Variants in MEF2C observed in about 807,000 individuals in gnomAD.
MEF2C encodes the protein myocyte enhancer factor 2C.
MEF2C carries 6 observed loss-of-function variants against 50.5 expected under a neutral mutation model. The ratio of observed to expected loss-of-function variants is 0.12; its 90% confidence interval spans 0.07 to 0.23. The LOEUF is 0.23. Among genes scored for constraint, MEF2C ranks in the 10% least tolerant of loss-of-function variants. MEF2C has a pLI of 1.00. For synonymous variants in MEF2C, 183 were observed against 228.0 expected (o/e 0.80, Z 1.78); for missense variants, 276 against 605.0 (o/e 0.46, Z 5.70).
At chr5:88,741,627 C>T (rs973276383) in intron 6 of MEF2C, 20 of 979,996 alleles carry the variant, frequency 2.0e-5, no homozygotes, top group Admixed American at 1.2e-4. Context: ...TGTAAACTGG[C>T]CATAGATTTA....
At chr5:88,842,635 C>T (rs1817799028) in intron 1 of MEF2C, among the ~76,000 whole-genome samples, 1 of 151,538 alleles carries the variant, frequency 6.6e-6, no homozygotes, top group Admixed American at 6.6e-5. Flanking sequence ...ATGGGAAATA[C>T]TGTGATAGTT....
intron 5 of MEF2C, chr5:88,750,099 C>G (rs1771961897): frequency 1.3e-6 from 1 of 787,340 alleles, no homozygotes; most frequent in Non-Finnish European, 1.5e-6. Context: ...GTGAGAATAT[C>G]ATCTAGATTT....
At chr5:88,797,886 T>C (rs1407069781) in intron 3 of MEF2C, among the ~76,000 whole-genome samples, 1 of 152,206 alleles carries the variant, frequency 6.6e-6, no homozygotes, top group East Asian at 1.9e-4. Flanking sequence ...AAGGATTTTA[T>C]TTCTCCTTCA....
chr5:88,875,759 C>T (rs1248892969), intron 1 of MEF2C, among the ~76,000 whole-genome samples: 1 of 151,966 alleles, frequency 6.6e-6, no homozygotes, highest in Non-Finnish European at 1.5e-5. Flanking sequence ...AGAAGGCCCT[C>T]TGTTCCTTAC....
At chr5:88,900,726 T>A (rs3931728) in intron 1 of MEF2C, among the ~76,000 whole-genome samples, 1 of 151,966 alleles carries the variant, frequency 6.6e-6, no homozygotes, top group Admixed American at 6.6e-5. Context: ...TAATTTTCCA[T>A]GTGATCATTG....
chr5:88,866,191 C>T (rs534287189), intron 1 of MEF2C, among the ~76,000 whole-genome samples: 1 of 152,188 alleles, frequency 6.6e-6, no homozygotes, highest in Non-Finnish European at 1.5e-5. Flanking sequence ...CCACCGCGCC[C>T]GGCCCAAGTC....
chr5:88,771,563 G>A, intron 3 of MEF2C: 2 of 985,400 alleles, frequency 2.0e-6, no homozygotes, highest in Non-Finnish European at 2.4e-6. Context: ...ACCAGGTAGT[G>A]AGTTCTGTGA....
At chr5:88,765,209 G>A (rs1015348139) in intron 3 of MEF2C, among the ~76,000 whole-genome samples, 1 of 152,182 alleles carries the variant, frequency 6.6e-6, no homozygotes, top group African/African-American at 2.4e-5. Flanking sequence ...AGAGCATTTT[G>A]AGATATACAA....
At chr5:88,871,742 G>A (rs747312902) in intron 1 of MEF2C, among the ~76,000 whole-genome samples, 40 of 152,056 alleles carry the variant, frequency 2.6e-4, no homozygotes, top group Non-Finnish European at 4.4e-4. Context: ...ATTTGTTTGC[G>A]TTATCAGAAG....
intron 3 of MEF2C, among the ~76,000 whole-genome samples, chr5:88,785,980 T>G (rs1382098639): frequency 6.6e-6 from 1 of 152,232 alleles, no homozygotes; most frequent in East Asian, 1.9e-4. Context: ...AGAACTGGAT[T>G]ACTCAGCCTT....
intron 1 of MEF2C, chr5:88,843,393 T>A (rs917324024): frequency 1.0e-6 from 1 of 985,282 alleles, no homozygotes; most frequent in Non-Finnish European, 1.2e-6. Flanking sequence ...ATTGTTGAAA[T>A]TAAGCTAAAA....
chr5:88,775,051 A>T (rs1305198162), intron 3 of MEF2C, among the ~76,000 whole-genome samples: 2 of 152,206 alleles, frequency 1.3e-5, no homozygotes, highest in Non-Finnish European at 2.9e-5. Flanking sequence ...GAATTTCATA[A>T]TTTAATGTAA....
intron 10 of MEF2C, among the ~76,000 whole-genome samples, chr5:88,724,456 G>A (rs1757731619): frequency 6.6e-6 from 1 of 152,106 alleles, no homozygotes; most frequent in South Asian, 2.1e-4. Flanking sequence ...ATGAGCTAAT[G>A]TAGAGAATAA....
intron 1 of MEF2C, chr5:88,824,251 A>T: frequency 1.1e-6 from 1 of 951,154 alleles, no homozygotes; most frequent in South Asian, 4.9e-5. Context: ...AAATTAGGTG[A>T]CAATTTCACC....
intron 1 of MEF2C, among the ~76,000 whole-genome samples, chr5:88,833,718 C>T (rs955414474): frequency 2.0e-5 from 3 of 152,044 alleles, no homozygotes; most frequent in Non-Finnish European, 2.9e-5. Context: ...CAAAACTATG[C>T]ATTTAAAAAA....
chr5:88,731,688 A>G, intron 7 of MEF2C, 41 bp downstream of exon 7: 5 of 1,558,332 alleles, frequency 3.2e-6, no homozygotes, highest in Non-Finnish European at 3.5e-6. Flanking sequence ...AACATATACA[A>G]AACATTATCA....
chr5:88,843,257 C>G, intron 1 of MEF2C: 121 of 533,898 alleles, frequency 2.3e-4, no homozygotes, highest in Non-Finnish European at 2.5e-4. Context: ...ATTTCTATTT[C>G]TATTTGGGTA....
At chr5:88,831,166 T>C (rs1184042556) in intron 1 of MEF2C, among the ~76,000 whole-genome samples, 1 of 152,130 alleles carries the variant, frequency 6.6e-6, no homozygotes, top group Non-Finnish European at 1.5e-5. Context: ...CTCATATGCC[T>C]ATAAGTGTTG....
intron 3 of MEF2C, among the ~76,000 whole-genome samples, chr5:88,789,963 T>C (rs1348007257): frequency 6.6e-6 from 1 of 152,208 alleles, no homozygotes; most frequent in Non-Finnish European, 1.5e-5. Flanking sequence ...AAGTTATGGG[T>C]ACTACTATCT....
Sources: gnomAD v4.1 joint callset for allele counts (sites outside exome capture counted in the v4.1 genomes callset) on GRCh38, gnomAD v4.1.1 for gene constraint, MANE v1.5 for transcripts, NCBI Gene and HGNC (gene_info 2026-07-23, HGNC 2026-07-21) for gene names.